The following TAFA1 variants were observed in gnomAD, a reference collection of about 807,000 sequenced individuals.
TAFA1 encodes the protein TAFA chemokine like family member 1.
In TAFA1, 4 loss-of-function variants were observed where a neutral mutation model predicts 18.5. That is an observed-to-expected ratio of 0.22 (90% CI 0.11 to 0.49). The LOEUF (loss-of-function observed/expected upper bound fraction) is 0.49. Ranked by LOEUF, TAFA1 falls within the 20% of genes least tolerant of loss-of-function variation. The probability of loss-of-function intolerance (pLI) is 0.98; values close to 1 mark genes in which losing one functional copy is unlikely to be tolerated. For missense variants in TAFA1, 147 were observed against 169.0 expected, an observed-to-expected ratio of 0.87 and a Z score of 0.72; for synonymous variants, 56 against 55.2, an observed-to-expected ratio of 1.01 and a Z score of -0.06.
chr3:68,463,194 C>T (rs1575890411), intron 3 of TAFA1, among the ~76,000 whole-genome samples: 1 of 152,272 alleles, frequency 6.6e-6, no homozygotes, highest in East Asian at 1.9e-4. Context: ...TTGATAGAGT[C>T]AGCCAGTAAA....
chr3:68,200,014 A>G (rs1420040319), intron 2 of TAFA1, among the ~76,000 whole-genome samples: 1 of 151,598 alleles, frequency 6.6e-6, no homozygotes, highest in Non-Finnish European at 1.5e-5. Context: ...ACATTTTAAA[A>G]TCAATTTCTA....
At chr3:68,462,046 T>C (rs576980994) in intron 3 of TAFA1, among the ~76,000 whole-genome samples, 6 of 152,260 alleles carry the variant, frequency 3.9e-5, no homozygotes, top group East Asian at 1.9e-4. Context: ...AGTTACACTT[T>C]GGAAAACTCT....
chr3:68,358,684 A>T (rs541612669), intron 2 of TAFA1, among the ~76,000 whole-genome samples: 1 of 151,986 alleles, frequency 6.6e-6, no homozygotes, highest in Non-Finnish European at 1.5e-5. Context: ...CCTCAGATGG[A>T]GTTTTTGCTG....
intron 2 of TAFA1, among the ~76,000 whole-genome samples, chr3:68,284,433 C>T (rs1272632943): frequency 6.6e-6 from 1 of 152,160 alleles, no homozygotes; most frequent in African/African-American, 2.4e-5. Context: ...AACTTTTTGG[C>T]AATTTGTAAT....
intron 2 of TAFA1, among the ~76,000 whole-genome samples, chr3:68,393,398 A>G (rs1054669487): frequency 6.6e-6 from 1 of 151,520 alleles, no homozygotes; most frequent in African/African-American, 2.4e-5. Flanking sequence ...AAAAGCCAGG[A>G]TTAGATGGAT....
At chr3:68,164,164 G>C (rs1575654627) in intron 2 of TAFA1, among the ~76,000 whole-genome samples, 1 of 152,174 alleles carries the variant, frequency 6.6e-6, no homozygotes, top group South Asian at 2.1e-4. Flanking sequence ...TCACTGCTGA[G>C]TCAGCACGTT....
intron 3 of TAFA1, among the ~76,000 whole-genome samples, chr3:68,468,489 G>C (rs2071931800): frequency 6.6e-6 from 1 of 152,156 alleles, no homozygotes; most frequent in South Asian, 2.1e-4. Flanking sequence ...TCAGTGACAG[G>C]CTTTGCTTCC....
chr3:68,094,569 A>G (rs535308193), intron 2 of TAFA1, among the ~76,000 whole-genome samples: 1 of 152,296 alleles, frequency 6.6e-6, no homozygotes, highest in African/African-American at 2.4e-5. Flanking sequence ...TTGCTGAAGA[A>G]TGCTTAGAAA....
chr3:68,147,601 C>T (rs932646122), intron 2 of TAFA1, among the ~76,000 whole-genome samples: 5 of 152,150 alleles, frequency 3.3e-5, no homozygotes, highest in African/African-American at 1.2e-4. Context: ...CTCAAAACCA[C>T]CCATGGCATT....
intron 2 of TAFA1, among the ~76,000 whole-genome samples, chr3:68,284,651 G>T (rs1362062113): frequency 6.6e-6 from 1 of 152,136 alleles, no homozygotes; most frequent in Non-Finnish European, 1.5e-5. Flanking sequence ...GAGCAGGCCA[G>T]GCATGGTGAT....
At chr3:68,000,125 A>G (rs149989964), upstream of TAFA1, among the ~76,000 whole-genome samples, 1,307 of 152,288 alleles carry the variant, frequency 8.6e-3, 23 homozygotes, top group African/African-American at 0.03. Flanking sequence ...CTCATTATGC[A>G]TGCCATCCTG....
chr3:68,460,277 CAT>C (rs1377975936), intron 3 of TAFA1, among the ~76,000 whole-genome samples: 1 of 152,122 alleles, frequency 6.6e-6, no homozygotes, highest in Non-Finnish European at 1.5e-5. Context: ...CATCCTGTTC[CAT>C]CCTAGACCAT....
At chr3:68,046,338 A>G (rs1301471063) in intron 2 of TAFA1, among the ~76,000 whole-genome samples, 1 of 152,224 alleles carries the variant, frequency 6.6e-6, no homozygotes, top group Admixed American at 6.5e-5. Context: ...TAAAGCAAAG[A>G]CATAGTTAAC....
At chr3:68,507,572 A>G (rs887511298) in intron 3 of TAFA1, among the ~76,000 whole-genome samples, 1 of 152,260 alleles carries the variant, frequency 6.6e-6, no homozygotes, top group South Asian at 2.1e-4. Flanking sequence ...GTATTGTTCT[A>G]TTAAATGATT....
chr3:68,484,653 G>C (rs902061595), intron 3 of TAFA1, among the ~76,000 whole-genome samples: 9 of 152,216 alleles, frequency 5.9e-5, no homozygotes, highest in African/African-American at 1.9e-4. Context: ...TGCCTATTAA[G>C]CAACCAGGAA....
intron 2 of TAFA1, among the ~76,000 whole-genome samples, chr3:68,213,913 T>G (rs2066624545): frequency 6.6e-6 from 1 of 152,050 alleles, no homozygotes; most frequent in Non-Finnish European, 1.5e-5. Context: ...TATTTGATTT[T>G]TGCCTGCCTT....
chr3:68,495,078 C>A (rs2072521793), intron 3 of TAFA1, among the ~76,000 whole-genome samples: 2 of 152,170 alleles, frequency 1.3e-5, no homozygotes, highest in Admixed American at 1.3e-4. Flanking sequence ...AACAGGTTAA[C>A]TGATGTTCTC....
chr3:68,305,859 C>T lies in TAFA1; in HGVS notation c.119-111421C>T, dbSNP rs1559609207. On this transcript the variant is annotated intron_variant, in intron 2 of 4. Transcript: ENST00000478136. Reference sequence around the variant, plus strand: ...AACTGTGGCACATTATTTGGTGACTCCACACCTCATTTTCTTCATGTAAAA... The same window carrying T: ...AACTGTGGCACATTATTTGGTGACTTCACACCTCATTTTCTTCATGTAAAA... Among the ~76,000 whole-genome samples, 2 of 152,124 alleles carry T rather than the reference C, an allele frequency of 1.3e-5. 1 individual carries two copies. The highest frequency in any genetic ancestry group is 2.9e-5 in the Non-Finnish European group (2 of 68,020).
At chr3:68,489,248 T>A (rs1001622951) in intron 3 of TAFA1, among the ~76,000 whole-genome samples, 1 of 152,158 alleles carries the variant, frequency 6.6e-6, no homozygotes. Flanking sequence ...ATGGGAACTA[T>A]AGCAACTTAG....
Sources: gnomAD v4.1 joint callset for allele counts (sites outside exome capture counted in the v4.1 genomes callset) on GRCh38, gnomAD v4.1.1 for gene constraint, MANE v1.5 for transcripts, NCBI Gene and HGNC (gene_info 2026-07-23, HGNC 2026-07-21) for gene names.